SLC27A1: variants seen among roughly 807,000 people sequenced by gnomAD.
The protein encoded by SLC27A1 is long-chain fatty acid transport protein 1.
SLC27A1 carries 61 observed loss-of-function variants against 62.2 expected under a neutral mutation model. The ratio of observed to expected loss-of-function variants is 0.98; its 90% CI spans 0.80 to 1.21. The LOEUF (loss-of-function observed/expected upper bound fraction) is 1.21, where lower values mean the gene tolerates loss of function less well. Ranked by LOEUF, SLC27A1 falls within the 50% of genes most tolerant of loss-of-function variation. SLC27A1 has a pLI of 0.00. For synonymous variants in SLC27A1, 435 were observed against 408.6 expected (o/e 1.06, Z -0.78); for missense variants, 903 against 932.1 (o/e 0.97, Z 0.41).
At chr19:17,480,899 C>G (rs1011172602) in intron 1 of SLC27A1, among the ~76,000 whole-genome samples, 1 of 67,408 alleles carries the variant, frequency 1.5e-5, no homozygotes, top group East Asian at 2.2e-4. Context: ...TTAGCTCCCA[C>G]TTATAACGAA....
intron 7 of SLC27A1, chr19:17,497,801 C>G (rs377545140): frequency 1.9e-5 from 6 of 317,738 alleles, no homozygotes; most frequent in Non-Finnish European, 2.9e-5. Context: ...CTCTGTGTAC[C>G]GTGCTGTTAT....
rs765830099 is a variant in SLC27A1, at chr19:17,500,703, C to T, written c.1472-9C>T. The T allele has an allele frequency of 5.6e-6, 9 of 1,614,012 alleles. No homozygotes were observed. Among genetic ancestry groups the T allele is most frequent in the Non-Finnish European group, 5.9e-6 (7 of 1,179,996 alleles). On this transcript the variant is annotated splice_polypyrimidine_tract_variant and intron_variant, in intron 9 of 11. Transcript: ENST00000252595. ...TCCTCCACCCATCTGCCCCTCTCCC[C>T]TCTGCCAGGTGACGTGCTAGTGATG...
intron 1 of SLC27A1, among the ~76,000 whole-genome samples, chr19:17,471,923 C>T (rs1048617735): frequency 9.2e-5 from 14 of 152,270 alleles, no homozygotes; most frequent in African/African-American, 3.4e-4. Flanking sequence ...GTTCCCTGCC[C>T]ACCTGCCACT....
At chr19:17,483,355 G>A (rs2075199054) in intron 1 of SLC27A1, among the ~76,000 whole-genome samples, 1 of 152,090 alleles carries the variant, frequency 6.6e-6, no homozygotes, top group Non-Finnish European at 1.5e-5. Context: ...CATGGGCCAT[G>A]TGGTGCCTGG....
At chr19:17,493,286 T>G (rs12979822) in intron 6 of SLC27A1, among the ~76,000 whole-genome samples, 42,238 of 140,094 alleles carry the variant, frequency 0.3, 7,425 homozygotes, top group Non-Finnish European at 0.41. Context: ...CAATTAGCCA[T>G]GCATGGTGGC....
At chr19:17,471,571 C>T (rs184948772) in intron 1 of SLC27A1, among the ~76,000 whole-genome samples, 20 of 152,174 alleles carry the variant, frequency 1.3e-4, no homozygotes, top group Admixed American at 5.2e-4. Flanking sequence ...TCAGAGCAGA[C>T]CTCAGGAACA....
intron 1 of SLC27A1, among the ~76,000 whole-genome samples, chr19:17,474,707 C>T (rs764150871): frequency 1.2e-4 from 18 of 151,330 alleles, no homozygotes; most frequent in Non-Finnish European, 1.9e-4. Flanking sequence ...CTCGGCTCAC[C>T]GCAACCTCCG....
At chr19:17,478,539 G>A (rs991828367) in intron 1 of SLC27A1, among the ~76,000 whole-genome samples, 4 of 150,332 alleles carry the variant, frequency 2.7e-5, no homozygotes, top group Admixed American at 6.7e-5. Context: ...AAGGGTGCTT[G>A]TTTACAATGT....
At chr19:17,501,449 C>A (rs771970245) in intron 11 of SLC27A1, 30 bp downstream of exon 11, 23 of 1,599,738 alleles carry the variant, frequency 1.4e-5, no homozygotes, top group Non-Finnish European at 1.9e-5. Context: ...CAATCTCTCT[C>A]TTCATCCATC....
At chr19:17,471,069 C>A (rs2075071800) in intron 1 of SLC27A1, among the ~76,000 whole-genome samples, 1 of 149,416 alleles carries the variant, frequency 6.7e-6, no homozygotes, top group Admixed American at 6.7e-5. Flanking sequence ...GACTGGAAAT[C>A]CGTGGCGGTG....
intron 7 of SLC27A1, among the ~76,000 whole-genome samples, chr19:17,499,651 C>CA (rs60881769): frequency 0.8 from 114,425 of 142,596 alleles, 46,233 homozygotes; most frequent in Non-Finnish European, 0.88. Context: ...ACTAAAAATA[C>CA]AAAAAAAAAA....
At chr19:17,469,836 C>G (rs367994505), upstream of SLC27A1, among the ~76,000 whole-genome samples, 296 of 113,874 alleles carry the variant, frequency 2.6e-3, 3 homozygotes, top group African/African-American at 9.5e-3. Context: ...AGGCCCGGAA[C>G]TGGGGTGGGG....
rs946964872 is a variant in SLC27A1, at chr19:17,487,154, C to G, written c.563-20C>G. 1 of 1,613,882 alleles carries G rather than the reference C, an allele frequency of 6.2e-7. No individual in the cohort carries two copies. Among genetic ancestry groups the G allele is most frequent in the East Asian group, 2.2e-5 (1 of 44,884 alleles). On this transcript the variant is annotated intron_variant, in intron 2 of 11. Transcript: ENST00000252595. ...GGGCCTGTCCGGCGGTGACCATGAC[C>G]CATGTGTTGGGGACCACAGCGGTGG...
Position 17,486,740 on chromosome 19 carries a change from G to T in SLC27A1, c.345G>T (p.Ala115=), listed in dbSNP as rs1333603304. 6.2e-7 allele frequency: 1 copy of T among 1,610,798 alleles called. No homozygotes were observed. The highest frequency in any genetic ancestry group is 1.3e-5 in the African/African-American group (1 of 74,890). The change falls in exon 2 of 12, where the codon GCG becomes GCT. Residue 115 remains alanine (A), a synonymous_variant. Transcript: ENST00000252595. The surrounding 1 kb of genome is among the most constrained non-coding windows in gnomAD (Gnocchi z 6.6). ...TFAQLDAYSN[A]VANLFRQLGF... ...CGCAGCTGGACGCCTACTCCAATGC[G>T]GTAGCCAACCTCTTCCGCCAGCTGG...
chr19:17,497,725 C>T (rs2075366058), intron 7 of SLC27A1: 2 of 495,246 alleles, frequency 4.0e-6, no homozygotes, highest in Non-Finnish European at 7.2e-6. Context: ...GCTGTGCGCC[C>T]TGGCAAGTGC....
chr19:17,470,405 C>T (rs2075061752), upstream of SLC27A1: 7 of 1,097,166 alleles, frequency 6.4e-6, no homozygotes, highest in African/African-American at 1.7e-5. Flanking sequence ...GGAGCGCGTT[C>T]CCGGACTCGC....
intron 1 of SLC27A1, among the ~76,000 whole-genome samples, chr19:17,476,220 T>C (rs191178949): frequency 6.6e-6 from 1 of 152,194 alleles, no homozygotes; most frequent in Non-Finnish European, 1.5e-5. Flanking sequence ...CAGGAAGCCC[T>C]TAGAGCAGAA....
At chr19:17,485,970 C>T (rs899455854) in intron 1 of SLC27A1, among the ~76,000 whole-genome samples, 28 of 152,186 alleles carry the variant, frequency 1.8e-4, no homozygotes, top group African/African-American at 6.3e-4. Context: ...TATCTACTAG[C>T]GAGTGGGGAA....
intron 1 of SLC27A1, among the ~76,000 whole-genome samples, chr19:17,477,972 C>G (rs1352562952): frequency 6.6e-6 from 1 of 152,102 alleles, no homozygotes; most frequent in Non-Finnish European, 1.5e-5. Context: ...TCTTGGCCTC[C>G]CAGAGTGCTG....
Sources: allele counts gnomAD v4.1 joint callset (sites outside exome capture counted in the v4.1 genomes callset), GRCh38; gene constraint gnomAD v4.1.1; non-coding constraint Gnocchi (gnomAD v3.1); transcripts MANE v1.5; gene names NCBI Gene and HGNC (gene_info 2026-07-23, HGNC 2026-07-21).